The following GSTA5 variants were observed in gnomAD, a reference collection of about 807,000 sequenced individuals.
GSTA5 encodes glutathione S-transferase alpha 5, also known as glutathione S-transferase A5.
A neutral mutation model predicts 21.8 loss-of-function variants in GSTA5; 25 were observed. The observed-to-expected ratio is 1.14, with a 90% CI of 0.83 to 1.60. GSTA5 has a LOEUF of 1.60. Among genes scored for constraint, GSTA5 ranks in the 40% most tolerant of loss-of-function variants. GSTA5 has a pLI of 0.00. For missense variants in GSTA5, 330 were observed against 259.2 expected, an observed-to-expected ratio of 1.27 and a Z score of -1.88; for synonymous variants, 102 against 89.5, an observed-to-expected ratio of 1.14 and a Z score of -0.78.
At chr6:52,839,493 G>A (rs1383853529) in intron 1 of GSTA5, among the ~76,000 whole-genome samples, 1 of 152,202 alleles carries the variant, frequency 6.6e-6, no homozygotes, top group Admixed American at 6.5e-5. Context: ...CTGAGAAAGG[G>A]TGAGGCTAAA....
chr6:52,835,697 A>T (rs1352104915), intron 3 of GSTA5, among the ~76,000 whole-genome samples: 2 of 152,076 alleles, frequency 1.3e-5, no homozygotes, highest in Non-Finnish European at 2.9e-5. Flanking sequence ...TCAGCCTTCT[A>T]TCCATGTGTC....
In GSTA5 at chr6:52,831,830, G is replaced by GCCTC; in HGVS notation, c.*14_*17dup. ...AGAATATTGGTCTGGCATGTTCTTG[G>GCCTC]CCTCCATAGCTGCTTTATTAAAACC... On this transcript the variant is annotated 3_prime_UTR_variant, in exon 6 of 6. Transcript: ENST00000370989. The GCCTC allele has an allele frequency of 1.9e-6, 3 of 1,613,594 alleles. No individual in the cohort carries two copies. In the South Asian group the frequency reaches 3.3e-5, roughly 18 times the overall value.
intron 2 of GSTA5, 93 bp downstream of exon 2, chr6:52,837,465 C>G (rs899611556): frequency 1.3e-6 from 1 of 772,440 alleles, no homozygotes; most frequent in Non-Finnish European, 2.2e-6. Flanking sequence ...CTAAATATCA[C>G]CCCCCACACA....
chr6:52,843,436 C>A (rs34102057), upstream of GSTA5, among the ~76,000 whole-genome samples: 7,514 of 152,174 alleles, frequency 0.049, 257 homozygotes, highest in South Asian at 0.13. Flanking sequence ...TTTTAATGAT[C>A]GCCATTCTAA....
intron 5 of GSTA5, 143 bp from the exon 6 acceptor site, chr6:52,832,113 C>G: frequency 1.7e-6 from 2 of 1,174,024 alleles, no homozygotes; most frequent in South Asian, 3.4e-5. Context: ...AACAGACACC[C>G]AGTGAGAAAT....
chr6:52,838,861 A>G (rs1764327232), intron 1 of GSTA5, among the ~76,000 whole-genome samples: 1 of 152,220 alleles, frequency 6.6e-6, no homozygotes. Context: ...TATTTTCTTA[A>G]ATGGAATTTT....
upstream of GSTA5, among the ~76,000 whole-genome samples, chr6:52,841,752 C>T (rs1764379808): frequency 6.6e-6 from 1 of 152,176 alleles, no homozygotes; most frequent in Non-Finnish European, 1.5e-5. Context: ...AAGGCTGTTG[C>T]TATTCTCATT....
At position 52,840,134 on chromosome 6, in the gene GSTA5, A is replaced by AT. The variant is rs1325798058; in HGVS notation, c.87+592dup. On this transcript the variant is annotated intron_variant, in intron 1 of 5. Coordinates refer to ENST00000370989, the Ensembl canonical transcript of GSTA5. ...CCATTTTTAAATATTACGTATTTTC[A>AT]TTTTTTTGTTGTGGAAATTATGAAC... Among the ~76,000 whole-genome samples, 4 of 152,180 alleles carry AT rather than the reference A, an allele frequency of 2.6e-5. No individual in the cohort carries two copies. In the East Asian group the frequency reaches 5.8e-4, roughly 22 times the overall value.
At chr6:52,836,160 T>C (rs1282441136) in intron 3 of GSTA5, 76 bp downstream of exon 3, 1 of 1,528,464 alleles carries the variant, frequency 6.5e-7, no homozygotes, top group African/African-American at 1.4e-5. Context: ...TGCCCTGCCA[T>C]GGTCCCACCC....
chr6:52,839,990 A>G (rs7760615), intron 1 of GSTA5, among the ~76,000 whole-genome samples: 140,704 of 152,304 alleles, frequency 0.92, 65,182 homozygotes, highest in Non-Finnish European at 0.96. Flanking sequence ...CAGAACCTGG[A>G]ATTAATAAGT....
intron 2 of GSTA5, 58 bp downstream of exon 2, chr6:52,837,500 G>T: frequency 2.7e-6 from 3 of 1,127,708 alleles, no homozygotes; most frequent in East Asian, 2.4e-5. Context: ...GCTGCTCAAC[G>T]TTCCTCTGTA....
At chr6:52,832,142 A>C (rs1431543053) in intron 5 of GSTA5, among the ~76,000 whole-genome samples, 172 bp from the exon 6 acceptor site, 4 of 152,174 alleles carry the variant, frequency 2.6e-5, no homozygotes, top group Admixed American at 2.6e-4. Context: ...GAGGAATAAC[A>C]TGTAGCTCAC....
chr6:52,836,720 CA>C (rs1764299267), intron 2 of GSTA5, among the ~76,000 whole-genome samples: 1 of 152,170 alleles, frequency 6.6e-6, no homozygotes, highest in Non-Finnish European at 1.5e-5. Context: ...TCATGTTGGC[CA>C]AACTGGTCTC....
upstream of GSTA5, among the ~76,000 whole-genome samples, chr6:52,842,152 G>A (rs181637450): frequency 7.6e-4 from 116 of 152,302 alleles, no homozygotes; most frequent in Non-Finnish European, 1.3e-3. Flanking sequence ...TGTTTGGGAG[G>A]TGGAACATAG....
exon 6 of GSTA5, chr6:52,831,732 T>C (rs1366092673): frequency 8.2e-7 from 1 of 1,213,476 alleles, no homozygotes; most frequent in African/African-American, 1.6e-5. Context: ...TAGCATGTAA[T>C]TGGAAAGAGT....
At chr6:52,842,783 G>C (rs553755382), upstream of GSTA5, among the ~76,000 whole-genome samples, 2 of 152,052 alleles carry the variant, frequency 1.3e-5, no homozygotes, top group Non-Finnish European at 2.9e-5. Context: ...TTAAATTCTG[G>C]GGTACATGTG....
At chr6:52,845,040 A>G (rs190637392), upstream of GSTA5, among the ~76,000 whole-genome samples, 17 of 152,068 alleles carry the variant, frequency 1.1e-4, no homozygotes, top group East Asian at 3.1e-3. Context: ...CTAGATCTCT[A>G]TATTTTGTCC....
intron 5 of GSTA5, 69 bp from the exon 6 acceptor site, chr6:52,832,039 A>C (rs1440251765): frequency 1.9e-6 from 3 of 1,553,186 alleles, no homozygotes; most frequent in African/African-American, 2.8e-5. Context: ...TGACCCAGGG[A>C]ATGTGAGCCC....
At chr6:52,834,266 C>G in exon 4 of GSTA5, 12 of 1,613,754 alleles carry the variant, frequency 7.4e-6, no homozygotes, top group Non-Finnish European at 1.0e-5. Flanking sequence ...ACTATACCTT[C>G]TGTGTACATA....
Sources: gnomAD v4.1 joint callset for allele counts (sites outside exome capture counted in the v4.1 genomes callset) on GRCh38, gnomAD v4.1.1 for gene constraint, MANE v1.5 for transcripts, NCBI Gene and HGNC (gene_info 2026-07-23, HGNC 2026-07-21) for gene names.